STPG2: variants seen among roughly 807,000 people sequenced by gnomAD.
STPG2 encodes sperm-tail PG-rich repeat-containing protein 2.
In STPG2, 56 loss-of-function variants were observed where a neutral mutation model predicts 54.2. That is an observed-to-expected ratio of 1.03 (90% CI 0.83 to 1.29). STPG2 has a LOEUF of 1.29. Ranked by LOEUF, STPG2 falls within the 50% of genes most tolerant of loss-of-function variation. The probability of loss-of-function intolerance (pLI) is 0.00; values close to 1 mark genes in which losing one functional copy is unlikely to be tolerated. For missense variants in STPG2, 596 were observed against 544.9 expected, an observed-to-expected ratio of 1.09 and a Z score of -0.93; for synonymous variants, 200 against 181.8, an observed-to-expected ratio of 1.10 and a Z score of -0.81.
intron 9 of STPG2, among the ~76,000 whole-genome samples, chr4:97,749,821 C>G (rs559029647): frequency 6.6e-6 from 1 of 151,814 alleles, no homozygotes; most frequent in South Asian, 2.1e-4. Context: ...GATGTTTGTT[C>G]TCTCTGCAGA....
downstream of STPG2, among the ~76,000 whole-genome samples, chr4:97,555,431 T>C (rs1462688049): frequency 2.0e-5 from 3 of 152,120 alleles, no homozygotes; most frequent in Non-Finnish European, 2.9e-5. Flanking sequence ...AAGATACCAG[T>C]AGGATCTCCT....
At chr4:97,784,136 T>C (rs1465593466) in intron 9 of STPG2, among the ~76,000 whole-genome samples, 2 of 148,542 alleles carry the variant, frequency 1.3e-5, no homozygotes, top group South Asian at 2.1e-4. Context: ...ATAAAAACAC[T>C]CAGCCTAGGC....
At chr4:97,847,104 T>A (rs1389378098) in intron 8 of STPG2, among the ~76,000 whole-genome samples, 1 of 152,118 alleles carries the variant, frequency 6.6e-6, no homozygotes, top group Non-Finnish European at 1.5e-5. Flanking sequence ...GGTGAAAAAA[T>A]TTATAGGCTA....
chr4:97,737,694 A>C, intron 9 of STPG2, among the ~76,000 whole-genome samples: 1 of 152,248 alleles, frequency 6.6e-6, no homozygotes, highest in East Asian at 1.9e-4. Context: ...AAAGCATTCA[A>C]GAAATATGGG....
chr4:97,750,990 C>A (rs1213244006), intron 9 of STPG2, among the ~76,000 whole-genome samples: 3 of 151,832 alleles, frequency 2.0e-5, no homozygotes, highest in Non-Finnish European at 4.4e-5. Flanking sequence ...AAACTGAATT[C>A]TCACAGAAAG....
chr4:97,669,802 CAA>C (rs1292978345), intron 10 of STPG2, among the ~76,000 whole-genome samples: 2 of 21,772 alleles, frequency 9.2e-5, no homozygotes, highest in Admixed American at 5.7e-4. Flanking sequence ...GACTCCGTCT[CAA>C]AAAAAAAAAA....
intron 9 of STPG2, among the ~76,000 whole-genome samples, chr4:97,759,479 G>A (rs912193843): frequency 6.6e-6 from 1 of 152,088 alleles, no homozygotes; most frequent in Non-Finnish European, 1.5e-5. Context: ...CAGGTGGTGA[G>A]ATATTAAGAA....
At chr4:97,539,107 A>G (rs1206925588) in intron 4 of STPG2, among the ~76,000 whole-genome samples, 1 of 152,240 alleles carries the variant, frequency 6.6e-6, no homozygotes, top group Non-Finnish European at 1.5e-5. Context: ...TGTAAAGACC[A>G]TCAATGCTAG....
chr4:97,963,466 A>G (rs529914470), intron 7 of STPG2, among the ~76,000 whole-genome samples: 21 of 152,226 alleles, frequency 1.4e-4, no homozygotes, highest in African/African-American at 5.1e-4. Flanking sequence ...CATCCTGGGC[A>G]GCAAAGTGAG....
chr4:97,864,068 A>G (rs1197009465), intron 8 of STPG2, among the ~76,000 whole-genome samples: 1 of 152,164 alleles, frequency 6.6e-6, no homozygotes, highest in East Asian at 1.9e-4. Context: ...CACCACTCCT[A>G]TTCAACATAG....
intron 8 of STPG2, among the ~76,000 whole-genome samples, chr4:97,909,248 T>C (rs1731583502): frequency 1.3e-5 from 2 of 151,776 alleles, no homozygotes. Context: ...TGCAAATACA[T>C]TTGAAAATTT....
At chr4:98,044,559 C>G (rs1479143232) in intron 5 of STPG2, among the ~76,000 whole-genome samples, 2 of 152,154 alleles carry the variant, frequency 1.3e-5, no homozygotes, top group African/African-American at 4.8e-5. Context: ...GGTGGGAGAG[C>G]AGGTCAGTTC....
chr4:97,933,856 T>C (rs1732643754), intron 8 of STPG2, among the ~76,000 whole-genome samples: 1 of 152,170 alleles, frequency 6.6e-6, no homozygotes, highest in Non-Finnish European at 1.5e-5. Flanking sequence ...GCTCTCTTTT[T>C]TGTTCAATAT....
chr4:97,504,288 T>C (rs1213845617), intron 4 of STPG2, among the ~76,000 whole-genome samples: 1 of 150,584 alleles, frequency 6.6e-6, no homozygotes, highest in Non-Finnish European at 1.5e-5. Flanking sequence ...TTGGATTACA[T>C]GGGAAAGGAA....
At chr4:97,974,571 G>A (rs564113067) in intron 6 of STPG2, among the ~76,000 whole-genome samples, 70 of 152,250 alleles carry the variant, frequency 4.6e-4, no homozygotes, top group Non-Finnish European at 8.7e-4. Context: ...CCTGGTGGGA[G>A]GTAATTGAAT....
chr4:97,738,813 A>G (rs1337118954), intron 9 of STPG2, among the ~76,000 whole-genome samples: 1 of 152,170 alleles, frequency 6.6e-6, no homozygotes, highest in Non-Finnish European at 1.5e-5. Flanking sequence ...CAAGACAGAA[A>G]GTCAACAAGG....
chr4:97,939,658 T>G (rs1302902323), intron 8 of STPG2, among the ~76,000 whole-genome samples: 1 of 152,228 alleles, frequency 6.6e-6, no homozygotes, highest in Non-Finnish European at 1.5e-5. Context: ...GCTTGACAGA[T>G]TTTCCTCCAT....
At chr4:97,945,063 T>C (rs1007591766) in intron 7 of STPG2, among the ~76,000 whole-genome samples, 2 of 152,294 alleles carry the variant, frequency 1.3e-5, no homozygotes, top group South Asian at 4.1e-4. Context: ...TTTATAATAA[T>C]TTTTATTTCG....
intron 9 of STPG2, among the ~76,000 whole-genome samples, chr4:97,751,305 T>C (rs935608227): frequency 1.3e-5 from 2 of 151,814 alleles, no homozygotes; most frequent in African/African-American, 4.8e-5. Flanking sequence ...AATAAATAAA[T>C]AATTTTGTAA....
Sources: allele counts gnomAD v4.1 joint callset (sites outside exome capture counted in the v4.1 genomes callset), GRCh38; gene constraint gnomAD v4.1.1; transcripts MANE v1.5; gene names NCBI Gene and HGNC (gene_info 2026-07-23, HGNC 2026-07-21).